Variants in ZMYND11 observed in about 807,000 individuals in gnomAD.
ZMYND11 encodes zinc finger MYND-type containing 11.
A neutral mutation model predicts 84.9 loss-of-function variants in ZMYND11; 9 were observed. The observed-to-expected ratio is 0.11, with a 90% CI of 0.06 to 0.18. The LOEUF is 0.18. Among genes scored for constraint, ZMYND11 ranks in the 10% least tolerant of loss-of-function variants. The probability of loss-of-function intolerance (pLI) is 1.00; values close to 1 mark genes in which losing one functional copy is unlikely to be tolerated. For missense variants in ZMYND11, 409 were observed against 761.0 expected (o/e 0.54, Z 5.44); for synonymous variants, 250 against 244.1 (o/e 1.02, Z -0.23).
At chr10:156,872 A>C (rs1339607568) in intron 1 of ZMYND11, among the ~76,000 whole-genome samples, 3 of 152,164 alleles carry the variant, frequency 2.0e-5, no homozygotes, top group Non-Finnish European at 4.4e-5. Flanking sequence ...TCTATTACTT[A>C]CCTATTTTCA....
chr10:205,391 C>T (rs1452032457), intron 2 of ZMYND11, among the ~76,000 whole-genome samples: 1 of 152,032 alleles, frequency 6.6e-6, no homozygotes, highest in East Asian at 1.9e-4. Flanking sequence ...TTATTTTTCC[C>T]TAAGAAGGAG....
chr10:225,018 A>C (rs145878564), intron 4 of ZMYND11, among the ~76,000 whole-genome samples: 43 of 152,338 alleles, frequency 2.8e-4, no homozygotes, highest in Non-Finnish European at 3.2e-4. Flanking sequence ...AAATAAGAAA[A>C]TCATACTCTT....
intron 2 of ZMYND11, among the ~76,000 whole-genome samples, chr10:182,771 C>G (rs1236186090): frequency 6.6e-6 from 1 of 152,178 alleles, no homozygotes; most frequent in African/African-American, 2.4e-5. Context: ...GTTTATTAAA[C>G]TTGCCTAAGG....
chr10:150,899 G>A (rs1469766810), intron 1 of ZMYND11, among the ~76,000 whole-genome samples: 2 of 152,182 alleles, frequency 1.3e-5, no homozygotes, highest in African/African-American at 2.4e-5. Flanking sequence ...CTAGAGGAAC[G>A]ATCAGGCAGC....
upstream of ZMYND11, chr10:134,986 C>T (rs1450636537): frequency 6.7e-6 from 1 of 149,458 alleles, no homozygotes; most frequent in Non-Finnish European, 1.5e-5. Context: ...CTAGAGCCCC[C>T]AGTGCGCGGC....
intron 4 of ZMYND11, among the ~76,000 whole-genome samples, chr10:224,550 A>G (rs1042921628): frequency 6.6e-6 from 1 of 152,212 alleles, no homozygotes; most frequent in African/African-American, 2.4e-5. Context: ...AATTTGCTAT[A>G]AAAAATTCAA....
intron 4 of ZMYND11, among the ~76,000 whole-genome samples, chr10:223,177 G>A (rs561456391): frequency 1.3e-5 from 2 of 151,996 alleles, no homozygotes; most frequent in Admixed American, 6.5e-5. Flanking sequence ...TTACAGGTGC[G>A]TGCCACCACA....
rs781817638 is a variant in ZMYND11, at chr10:161,576, T to A, written c.-19-18418T>A. Among the ~76,000 whole-genome samples, 30 of 152,226 alleles carry A rather than the reference T, an allele frequency of 2.0e-4. 1 individual carries two copies. Among genetic ancestry groups the A allele is most frequent in the South Asian group, 1.0e-3 (5 of 4,824 alleles). ...CAATATGAGACTATTTTGTCTTCAT[T>A]GAAAATCTGTTGTTTAGTGTAGCCA... On this transcript the variant is annotated intron_variant, in intron 1 of 14. Coordinates refer to ENST00000381604, the MANE Select transcript of ZMYND11 (RefSeq NM_001370100.5).
At chr10:241,956 T>C in intron 9 of ZMYND11, 65 bp from the exon 10 acceptor site, 1 of 1,558,092 alleles carries the variant, frequency 6.4e-7, no homozygotes, top group Non-Finnish European at 8.8e-7. Context: ...TAGTTTAATA[T>C]TAATGGTACA....
chr10:209,128 A>C (rs1944720177), intron 2 of ZMYND11, among the ~76,000 whole-genome samples: 1 of 152,112 alleles, frequency 6.6e-6, no homozygotes, highest in Non-Finnish European at 1.5e-5. Flanking sequence ...TATAACATTT[A>C]TTTCTTTATT....
At chr10:226,376 T>C (rs750539563) in intron 4 of ZMYND11, among the ~76,000 whole-genome samples, 4 of 152,136 alleles carry the variant, frequency 2.6e-5, no homozygotes, top group Admixed American at 1.3e-4. Flanking sequence ...CAAAACAAAG[T>C]GTAGATTTTT....
intron 3 of ZMYND11, among the ~76,000 whole-genome samples, chr10:212,239 T>C (rs1031057103): frequency 6.6e-6 from 1 of 152,180 alleles, no homozygotes; most frequent in African/African-American, 2.4e-5. Context: ...TTTACCACTA[T>C]ATTAGGTCCT....
At chr10:198,541 C>T (rs1942342300) in intron 2 of ZMYND11, among the ~76,000 whole-genome samples, 2 of 151,986 alleles carry the variant, frequency 1.3e-5, no homozygotes, top group African/African-American at 4.8e-5. Flanking sequence ...TAAGACTCAA[C>T]AGTTTTGATT....
At chr10:176,296 G>T (rs1250453557) in intron 1 of ZMYND11, among the ~76,000 whole-genome samples, 1 of 151,688 alleles carries the variant, frequency 6.6e-6, no homozygotes, top group Non-Finnish European at 1.5e-5. Context: ...TTAACTACAG[G>T]CTTCTTGAGA....
At chr10:209,256 C>A (rs534014813) in intron 2 of ZMYND11, among the ~76,000 whole-genome samples, 24 of 152,178 alleles carry the variant, frequency 1.6e-4, no homozygotes, top group African/African-American at 5.5e-4. Context: ...GGATATATTT[C>A]ACTTTTTTGT....
intron 1 of ZMYND11, among the ~76,000 whole-genome samples, chr10:151,400 G>A (rs1840330745): frequency 6.6e-6 from 1 of 152,198 alleles, no homozygotes; most frequent in Non-Finnish European, 1.5e-5. Context: ...ACCATCGCAT[G>A]AGAACTACGT....
At chr10:199,313 C>T (rs910358528) in intron 2 of ZMYND11, among the ~76,000 whole-genome samples, 5 of 1,990 alleles carry the variant, frequency 2.5e-3, no homozygotes, top group Non-Finnish European at 0.02. Flanking sequence ...CTCTCTTCCT[C>T]CCTCCCTCCC....
Position 184,725 on chromosome 10 carries a change from T to C in ZMYND11, c.116+4597T>C, listed in dbSNP as rs76526014. On this transcript the variant is annotated intron_variant, in intron 2 of 14. Transcript: ENST00000381604. ...GCTGCGTGTGCCATAGTCCTCTCTG[T>C]TGGTCATTCTTACGTGAAATCACTT... 5.4e-4 allele frequency among the ~76,000 whole-genome samples: 82 copies of C among 152,300 alleles called. 1 individual carries two copies. The highest frequency in any genetic ancestry group is 1.9e-3 in the African/African-American group (81 of 41,540).
intron 1 of ZMYND11, among the ~76,000 whole-genome samples, chr10:150,194 C>T (rs1839978009): frequency 6.6e-6 from 1 of 152,174 alleles, no homozygotes; most frequent in Admixed American, 6.5e-5. Flanking sequence ...GTGGTACCAG[C>T]TCCTCCTTGT....
Sources: gnomAD v4.1 joint callset for allele counts (sites outside exome capture counted in the v4.1 genomes callset) on GRCh38, gnomAD v4.1.1 for gene constraint, MANE v1.5 for transcripts, NCBI Gene and HGNC (gene_info 2026-07-23, HGNC 2026-07-21) for gene names.